Variants in SHROOM3 observed in about 807,000 individuals in gnomAD.
The protein encoded by SHROOM3 is protein Shroom3.
Under a neutral mutation model 138.6 loss-of-function variants are expected in SHROOM3, and 47 were observed. That is an observed-to-expected ratio of 0.34 (90% CI 0.27 to 0.43). The LOEUF is 0.43. Among genes scored for constraint, SHROOM3 ranks in the 20% least tolerant of loss-of-function variants. The pLI, the probability that SHROOM3 is intolerant of heterozygous loss-of-function variation, is 1.00. For synonymous variants in SHROOM3, 1,062 were observed against 1,063.3 expected (o/e 1.00, Z 0.02); for missense variants, 2,491 against 2,596.5 (o/e 0.96, Z 0.88).
chr4:76,520,898 T>C (rs1732550424), intron 1 of SHROOM3, among the ~76,000 whole-genome samples: 1 of 152,184 alleles, frequency 6.6e-6, no homozygotes, highest in Admixed American at 6.5e-5. Context: ...CACAGCTTTT[T>C]CCCCAATATT....
intron 1 of SHROOM3, among the ~76,000 whole-genome samples, chr4:76,537,287 A>T (rs1732973371): frequency 6.6e-6 from 1 of 152,148 alleles, no homozygotes. Flanking sequence ...AAGTAGACCA[A>T]TCCCAAGGAA....
At chr4:76,558,841 C>A (rs116515815) in intron 2 of SHROOM3, among the ~76,000 whole-genome samples, 1 of 152,174 alleles carries the variant, frequency 6.6e-6, no homozygotes, top group Non-Finnish European at 1.5e-5. Context: ...GTTCTGTAGG[C>A]ACCAGTATTT....
chr4:76,436,223 A>G lies in SHROOM3; in HGVS notation c.168+3A>G, dbSNP rs748322140. ...GAGAACCATTAATCATCTCTAAGGTATGTTTCTTTTTCCAATATTGCCTTT... is the reference window on the plus strand; with the variant it reads ...GAGAACCATTAATCATCTCTAAGGTGTGTTTCTTTTTCCAATATTGCCTTT... On this transcript the variant is annotated splice_donor_region_variant and intron_variant, in intron 1 of 10. Coordinates refer to ENST00000296043, the MANE Select transcript of SHROOM3 (RefSeq NM_020859.4). 6.2e-7 allele frequency: 1 copy of G among 1,613,820 alleles called. No homozygotes were observed. The highest frequency in any genetic ancestry group is 1.1e-5 in the South Asian group (1 of 91,052).
intron 2 of SHROOM3, chr4:76,689,424 C>T: frequency 2.8e-6 from 2 of 718,406 alleles, no homozygotes; most frequent in Non-Finnish European, 3.4e-6. Flanking sequence ...ACTGAGCGGG[C>T]CCGGGCGGGA....
chr4:76,685,763 G>A (rs754229133), intron 2 of SHROOM3, among the ~76,000 whole-genome samples: 2 of 152,150 alleles, frequency 1.3e-5, no homozygotes, highest in African/African-American at 2.4e-5. Context: ...CAGATCACTT[G>A]AGGTCAGGAG....
chr4:76,608,177 A>G (rs1734661896), intron 2 of SHROOM3, among the ~76,000 whole-genome samples: 1 of 152,214 alleles, frequency 6.6e-6, no homozygotes. Context: ...ATGTCCAAGC[A>G]TACACAACCT....
intron 2 of SHROOM3, among the ~76,000 whole-genome samples, chr4:76,564,463 G>A (rs182437883): frequency 7.0e-4 from 106 of 152,150 alleles, no homozygotes; most frequent in African/African-American, 2.4e-3. Flanking sequence ...AGCAGTTTTC[G>A]GCTTCTTTGG....
chr4:76,748,809 C>T (rs1277063435), intron 5 of SHROOM3, among the ~76,000 whole-genome samples: 1 of 138,110 alleles, frequency 7.2e-6, no homozygotes, highest in East Asian at 2.0e-4. Flanking sequence ...CAAATTCTGA[C>T]TCTGCTTTTT....
At chr4:76,463,579 G>A (rs1731185993) in intron 1 of SHROOM3, among the ~76,000 whole-genome samples, 1 of 152,176 alleles carries the variant, frequency 6.6e-6, no homozygotes, top group African/African-American at 2.4e-5. Context: ...AAGACAATGG[G>A]GAAAATGTCT....
chr4:76,692,629 A>C (rs1201160296), intron 2 of SHROOM3, among the ~76,000 whole-genome samples: 1 of 152,254 alleles, frequency 6.6e-6, no homozygotes, highest in Non-Finnish European at 1.5e-5. Context: ...ATCAACAGGA[A>C]AATGGGTAAA....
At chr4:76,778,189 C>T (rs1214343313) in intron 10 of SHROOM3, among the ~76,000 whole-genome samples, 6 of 151,316 alleles carry the variant, frequency 4.0e-5, no homozygotes, top group African/African-American at 9.7e-5. Flanking sequence ...TGAGAACCAC[C>T]GTATTCATGT....
intron 2 of SHROOM3, among the ~76,000 whole-genome samples, chr4:76,655,278 G>C (rs17257018): frequency 0.033 from 5,000 of 152,196 alleles, 159 homozygotes; most frequent in Admixed American, 0.093. Context: ...CTAGTCCATT[G>C]TTCTGCCTCT....
At chr4:76,694,289 A>G (rs1719659066) in intron 2 of SHROOM3, among the ~76,000 whole-genome samples, 1 of 152,218 alleles carries the variant, frequency 6.6e-6, no homozygotes, top group African/African-American at 2.4e-5. Flanking sequence ...TCCAGCCACA[A>G]GTGTGAATGT....
chr4:76,759,759 T>G lies in SHROOM3; in HGVS notation c.5349+64T>G, dbSNP rs577404377. 34 of 1,571,038 alleles carry G rather than the reference T, an allele frequency of 2.2e-5. No individual in the cohort carries two copies. In the East Asian group the frequency reaches 7.6e-4, roughly 35 times the overall value. ...AGAAAAATTGACAAGGTCCATGTAA[T>G]CAGCGTGGTGACTGGGCCTCTTGAG... On this transcript the variant is annotated intron_variant, in intron 9 of 10. Coordinates refer to ENST00000296043, the MANE Select transcript of SHROOM3 (RefSeq NM_020859.4).
intron 2 of SHROOM3, among the ~76,000 whole-genome samples, chr4:76,622,182 A>G (rs1044271606): frequency 6.6e-6 from 1 of 151,976 alleles, no homozygotes; most frequent in South Asian, 2.1e-4. Context: ...TAGTCGTGCT[A>G]GGGGCACTCC....
chr4:76,595,001 TTAGAGTC>T (rs1577907187), intron 2 of SHROOM3, among the ~76,000 whole-genome samples: 1 of 152,216 alleles, frequency 6.6e-6, no homozygotes, highest in East Asian at 1.9e-4. Context: ...TGAAAAGCTC[TTAGAGTC>T]AGAAGGCCTG....
At chr4:76,578,714 A>G (rs1367998528) in intron 2 of SHROOM3, among the ~76,000 whole-genome samples, 2 of 152,174 alleles carry the variant, frequency 1.3e-5, no homozygotes, top group African/African-American at 4.8e-5. Flanking sequence ...GAAATGTTCT[A>G]TATCATTTTT....
chr4:76,633,699 A>C (rs1192119044), intron 2 of SHROOM3, among the ~76,000 whole-genome samples: 1 of 150,540 alleles, frequency 6.6e-6, no homozygotes, highest in Non-Finnish European at 1.5e-5. Context: ...TCTGCAACAC[A>C]CCTTGTACTT....
At chr4:76,472,259 T>C (rs1208848027) in intron 1 of SHROOM3, among the ~76,000 whole-genome samples, 1 of 152,212 alleles carries the variant, frequency 6.6e-6, no homozygotes, top group Non-Finnish European at 1.5e-5. Flanking sequence ...TGTGCAATAA[T>C]TTAAATCTCT....
Sources: gnomAD v4.1 joint callset for allele counts (sites outside exome capture counted in the v4.1 genomes callset) on GRCh38, gnomAD v4.1.1 for gene constraint, MANE v1.5 for transcripts, NCBI Gene and HGNC (gene_info 2026-07-23, HGNC 2026-07-21) for gene names.